The following IFI16 variants were observed in gnomAD, a reference collection of about 807,000 sequenced individuals.
IFI16 encodes the protein interferon gamma inducible protein 16.
Under a neutral mutation model 68.4 loss-of-function variants are expected in IFI16, and 49 were observed. The observed-to-expected ratio is 0.72, with a 90% CI of 0.57 to 0.91. The LOEUF is 0.91. Among genes scored for constraint, IFI16 ranks in the 40% least tolerant of loss-of-function variants. The pLI is 0.00. For synonymous variants in IFI16, 307 were observed against 315.0 expected (o/e 0.97, Z 0.27); for missense variants, 878 against 942.9 (o/e 0.93, Z 0.90).
intron 7 of IFI16, among the ~76,000 whole-genome samples, chr1:159,038,181 G>T (rs1373861478): frequency 1.3e-5 from 2 of 152,044 alleles, no homozygotes; most frequent in Non-Finnish European, 2.9e-5. Context: ...TTAAAATTCT[G>T]TCATATATCC....
upstream of IFI16, among the ~76,000 whole-genome samples, chr1:159,007,314 T>C (rs72704964): frequency 7.9e-5 from 12 of 152,312 alleles, no homozygotes; most frequent in Non-Finnish European, 1.6e-4. Flanking sequence ...AATGCCCTTG[T>C]GCTAATATTG....
At chr1:159,034,428 G>A (rs1189816767) in intron 7 of IFI16, among the ~76,000 whole-genome samples, 1 of 152,072 alleles carries the variant, frequency 6.6e-6, no homozygotes, top group Non-Finnish European at 1.5e-5. Flanking sequence ...AGAGATTGTG[G>A]GGAAGTAGCC....
chr1:159,023,042 C>T (rs1474366017), intron 6 of IFI16, among the ~76,000 whole-genome samples: 1 of 151,982 alleles, frequency 6.6e-6, no homozygotes, highest in Admixed American at 6.6e-5. Context: ...ATTTCAAAGG[C>T]AGGGAATAAT....
intron 9 of IFI16, 24 bp from the exon 10 acceptor site, chr1:159,051,653 CTA>C: frequency 3.2e-6 from 5 of 1,577,320 alleles, no homozygotes; most frequent in Non-Finnish European, 4.3e-6. Flanking sequence ...TTAATTGTGC[CTA>C]TGTTTTGGTC....
At chr1:159,010,928 A>G (rs1436008329) in intron 1 of IFI16, among the ~76,000 whole-genome samples, 8 of 152,148 alleles carry the variant, frequency 5.3e-5, no homozygotes, top group African/African-American at 1.7e-4. Context: ...ACAATATTTC[A>G]TGTGTGCTTA....
upstream of IFI16, among the ~76,000 whole-genome samples, chr1:159,003,112 A>G (rs1344317723): frequency 6.6e-6 from 1 of 152,238 alleles, no homozygotes; most frequent in Non-Finnish European, 1.5e-5. Context: ...GGAAACTTCC[A>G]TCTCTGGTGG....
intron 4 of IFI16, among the ~76,000 whole-genome samples, chr1:159,017,494 T>C (rs1653005906): frequency 6.6e-6 from 1 of 152,154 alleles, no homozygotes; most frequent in East Asian, 1.9e-4. Flanking sequence ...TAGTATTTAT[T>C]GATCATTTTA....
chr1:159,022,296 G>T (rs7535856), intron 6 of IFI16, among the ~76,000 whole-genome samples: 44,211 of 152,078 alleles, frequency 0.29, 8,644 homozygotes, highest in African/African-American at 0.55. Flanking sequence ...TTATTTGTAT[G>T]TGCAATGCTT....
intron 10 of IFI16, chr1:159,052,749 A>G (rs1283053498): frequency 6.6e-6 from 1 of 151,914 alleles, no homozygotes; most frequent in African/African-American, 2.4e-5. Context: ...TAAATGGGGC[A>G]ATAAAATGCA....
At chr1:159,038,154 G>C (rs981415535) in intron 7 of IFI16, among the ~76,000 whole-genome samples, 1 of 152,086 alleles carries the variant, frequency 6.6e-6, no homozygotes, top group African/African-American at 2.4e-5. Flanking sequence ...GTTTCTTCCA[G>C]TATGGGACAG....
Position 159,009,923 on chromosome 1 carries a change from T to C in IFI16, c.-259T>C, listed in dbSNP as rs1652439707. 6.6e-6 allele frequency: 1 copy of C among 152,178 alleles called. No homozygotes were observed. Among genetic ancestry groups the C allele is most frequent in the Non-Finnish European group, 1.5e-5 (1 of 68,028 alleles). 9.4% of individuals were successfully genotyped at this position (152,178 alleles called of 1,614,324 possible). A position where few individuals can be genotyped will look rare whatever the true frequency, so the allele number is the denominator to read the frequency against. On this transcript the variant is annotated 5_prime_UTR_variant, in exon 1 of 12. Transcript: ENST00000295809. ...TCCTACTCCATTTTCTCTGGGGCAA[T>C]AGCAGAATAGGAGCAAGCCAGCACT...
In IFI16 at chr1:159,027,259, C is replaced by CT. The variant is rs368550252; in HGVS notation, c.1162-5256dup. On this transcript the variant is annotated intron_variant, in intron 6 of 11. Transcript: ENST00000295809. ...AAGTGATGCTGGATTTTGTCAAATG[C>CT]TTTTTTTTTGCGTCTACTTAGATGA... is the stretch of plus-strand genomic sequence containing the variant. Among the ~76,000 whole-genome samples, 37 of 150,640 alleles carry CT rather than the reference C, an allele frequency of 2.5e-4. 1 individual carries two copies. The South Asian group carries it at 2.7e-3, about 11-fold the overall frequency.
At chr1:159,052,451 T>C in intron 10 of IFI16, 1 of 189,232 alleles carries the variant, frequency 5.3e-6, no homozygotes, top group Middle Eastern at 7.1e-4. Flanking sequence ...CTTCTCCATC[T>C]GTATCAATGA....
intron 1 of IFI16, 23 bp from the exon 2 acceptor site, chr1:159,014,638 G>GTA (rs1557862714): frequency 6.6e-7 from 1 of 1,508,176 alleles, no homozygotes; most frequent in South Asian, 1.3e-5. Context: ...GTGTAACACT[G>GTA]TATATACCAT....
intron 9 of IFI16, among the ~76,000 whole-genome samples, chr1:159,050,722 G>T (rs1419575129): frequency 6.6e-6 from 1 of 151,976 alleles, no homozygotes; most frequent in Non-Finnish European, 1.5e-5. Flanking sequence ...CAGAAACAGT[G>T]CAGGCCACTG....
chr1:159,003,874 A>T (rs1271993146), upstream of IFI16, among the ~76,000 whole-genome samples: 1 of 151,972 alleles, frequency 6.6e-6, no homozygotes, highest in Non-Finnish European at 1.5e-5. Context: ...GTTAGCCAGG[A>T]TGGTCTCGAT....
intron 2 of IFI16, 53 bp from the exon 3 acceptor site, chr1:159,015,819 A>G (rs952163258): frequency 3.0e-6 from 4 of 1,320,350 alleles, no homozygotes; most frequent in East Asian, 4.6e-5. Context: ...GAGATCGTTT[A>G]TATGTCTTCC....
At position 159,032,530 on chromosome 1, in the gene IFI16, A is replaced by G; in HGVS notation, c.1168A>G (p.Lys390Glu). ...SEMHSFIQIK[K>E]KTNPRNNDPK... is the part of the protein sequence containing the mutation. ...AGAAAATGAATACTTTCAGATAAAG[A>G]AAAAAACAAACCCGAGAAACAATGA... The change falls in exon 7 of 12, where the codon AAA becomes GAA. Residue 390 changes from lysine to glutamate, a missense_variant. This residue lies in a region of IFI16 where 443 missense variants were observed against 421.8 expected (regional missense o/e 1.05). Coordinates refer to ENST00000295809, the MANE Select transcript of IFI16 (RefSeq NM_001376587.1). 2 of 1,573,830 alleles carry G rather than the reference A, an allele frequency of 1.3e-6. No homozygotes were observed. The highest frequency in any genetic ancestry group is 1.2e-5 in the South Asian group (1 of 84,722).
chr1:159,050,277 C>T (rs1439048460), intron 9 of IFI16, among the ~76,000 whole-genome samples: 1 of 152,046 alleles, frequency 6.6e-6, no homozygotes, highest in Non-Finnish European at 1.5e-5. Context: ...TTTTATTTGG[C>T]TTTATGTTGT....
Sources: gnomAD v4.1 joint callset for allele counts (sites outside exome capture counted in the v4.1 genomes callset) on GRCh38, gnomAD v4.1.1 for gene constraint, gnomAD v4.1.1 regional missense constraint, MANE v1.5 for transcripts, NCBI Gene and HGNC (gene_info 2026-07-23, HGNC 2026-07-21) for gene names.